Variants in DEAF1 observed in about 807,000 individuals in gnomAD.
DEAF1 encodes deformed epidermal autoregulatory factor 1 homolog.
A neutral mutation model predicts 58.9 loss-of-function variants in DEAF1; 53 were observed. The observed-to-expected ratio is 0.90, with a 90% CI of 0.72 to 1.13. The LOEUF (loss-of-function observed/expected upper bound fraction) is 1.13, where lower values mean the gene tolerates loss of function less well. Ranked by LOEUF, DEAF1 falls within the 50% of genes most tolerant of loss-of-function variation. DEAF1 has a pLI of 0.00. For missense variants in DEAF1, 685 were observed against 791.4 expected, an observed-to-expected ratio of 0.87 and a Z score of 1.61; for synonymous variants, 385 against 340.4, an observed-to-expected ratio of 1.13 and a Z score of -1.44.
At chr11:671,102 G>A (rs1329454882) in intron 10 of DEAF1, among the ~76,000 whole-genome samples, 9 of 148,394 alleles carry the variant, frequency 6.1e-5, no homozygotes, top group Non-Finnish European at 1.2e-4. Context: ...CTAATTTTTT[G>A]TATTTTTAGT....
intron 10 of DEAF1, among the ~76,000 whole-genome samples, chr11:669,504 C>T (rs1859708780): frequency 1.3e-5 from 2 of 151,470 alleles, no homozygotes; most frequent in South Asian, 2.1e-4. Flanking sequence ...GGCGTGGTGG[C>T]GCATGCCTGT....
intron 10 of DEAF1, 59 bp from the exon 11 acceptor site, chr11:654,110 C>T: frequency 6.9e-7 from 1 of 1,449,206 alleles, no homozygotes; most frequent in Non-Finnish European, 9.6e-7. Context: ...CCCTGAGACA[C>T]CGGGGACAGA....
chr11:704,751 A>G, intron 1 of DEAF1: 2 of 930,468 alleles, frequency 2.1e-6, no homozygotes, highest in Non-Finnish European at 3.0e-6. Flanking sequence ...GGGGCCCGAG[A>G]GGCCAGCCTG....
At chr11:650,048 AAAAC>A (rs1390661810) in intron 11 of DEAF1, among the ~76,000 whole-genome samples, 5 of 150,080 alleles carry the variant, frequency 3.3e-5, no homozygotes, top group South Asian at 2.1e-4. Flanking sequence ...AACAAAAACA[AAAAC>A]AAAACAAAAA....
At chr11:687,832 A>G (rs948758709) in intron 4 of DEAF1, 79 bp downstream of exon 4, 26 of 1,590,490 alleles carry the variant, frequency 1.6e-5, no homozygotes, top group Non-Finnish European at 2.2e-5. Flanking sequence ...CATGATTTTC[A>G]TCTTTCTCAG....
At chr11:678,984 T>C (rs1351350155) in intron 8 of DEAF1, among the ~76,000 whole-genome samples, 162 bp from the exon 9 acceptor site, 1 of 152,142 alleles carries the variant, frequency 6.6e-6, no homozygotes, top group Non-Finnish European at 1.5e-5. Context: ...GTTGACATAA[T>C]AGGATTGGGG....
At chr11:700,630 A>T in intron 1 of DEAF1, 1 of 1,613,772 alleles carries the variant, frequency 6.2e-7, no homozygotes, top group South Asian at 1.1e-5. Flanking sequence ...GTGTTCAGCT[A>T]TCCTCACCGC....
chr11:653,083 CAAAAAAAAA>C (rs71022946), intron 11 of DEAF1, among the ~76,000 whole-genome samples: 13 of 62,270 alleles, frequency 2.1e-4, no homozygotes, highest in South Asian at 1.3e-3. Context: ...GACTCTGTCT[CAAAAAAAAA>C]AAAAAAAAAA....
chr11:694,616 G>C (rs931824439), intron 1 of DEAF1, 143 bp downstream of exon 1: 6 of 764,404 alleles, frequency 7.8e-6, no homozygotes, highest in Non-Finnish European at 1.1e-5. Context: ...AGGTGTGCAG[G>C]GCGGGTGGAG....
rs776880487 is a variant in DEAF1, at chr11:644,891, G to T, written c.1594-237C>A. Among the ~76,000 whole-genome samples the T allele has an allele frequency of 6.6e-6, 1 of 152,150 alleles. No homozygotes were observed. Among genetic ancestry groups the T allele is most frequent in the South Asian group, 2.1e-4 (1 of 4,824 alleles). On this transcript the variant is annotated intron_variant, in intron 11 of 11. Coordinates refer to ENST00000382409, the MANE Select transcript of DEAF1 (RefSeq NM_021008.4). The surrounding 1 kb of genome is among the most constrained non-coding windows in gnomAD (Gnocchi z 4.3). ...AAAAGGCAAACAACAGGCAGGGCACGGTGGCTCACGCCTGTAATCCCAACA... is the reference window on the plus strand; with the variant it reads ...AAAAGGCAAACAACAGGCAGGGCACTGTGGCTCACGCCTGTAATCCCAACA...
intron 11 of DEAF1, among the ~76,000 whole-genome samples, chr11:650,268 G>A (rs1858702981): frequency 6.6e-6 from 1 of 150,926 alleles, no homozygotes; most frequent in African/African-American, 2.4e-5. Context: ...CAGCTACTTG[G>A]GAGGCTGAGC....
intron 11 of DEAF1, among the ~76,000 whole-genome samples, chr11:645,909 G>A (rs1333330095): frequency 2.0e-5 from 3 of 152,170 alleles, no homozygotes; most frequent in Non-Finnish European, 2.9e-5. Flanking sequence ...GCTTCCAAAT[G>A]GTGACAGAGT....
rs775932968 is a variant in DEAF1 at position 674,830 on chromosome 11, C to T, written c.1256-47G>A. ...ACAAACCAAGAAATTAATACATCTC[C>T]TAGCTTCAAAATGGCCTCCGTTAAA... On this transcript the variant is annotated intron_variant, in intron 9 of 11. Transcript: ENST00000382409. 1.2e-5 allele frequency: 20 copies of T among 1,601,586 alleles called. No homozygotes were observed. The Admixed American group carries it at 1.5e-4, about 12-fold the overall frequency.
intron 10 of DEAF1, among the ~76,000 whole-genome samples, chr11:657,456 C>T (rs559414462): frequency 6.6e-6 from 1 of 152,308 alleles, no homozygotes; most frequent in South Asian, 2.1e-4. Context: ...GAGTTTAAAA[C>T]ACATATAAAA....
Position 694,867 on chromosome 11 carries a change from G to A in DEAF1, c.181C>T (p.Pro61Ser), listed in dbSNP as rs745462515. The A allele has an allele frequency of 6.7e-7, 1 of 1,500,948 alleles. No homozygotes were observed. Among genetic ancestry groups the A allele is most frequent in the Non-Finnish European group, 8.8e-7 (1 of 1,130,154 alleles). The allele number at this position is 1,500,948 out of a possible 1,614,324, so 93.0% of individuals were successfully genotyped here. Residue 61 changes from proline to serine, a missense_variant, in exon 1 of 12, where the codon CCG becomes TCG. Physicochemically the swap from Pro to Ser is moderately conservative, Grantham distance 74 (BLOSUM62 -1). This residue lies in a region of DEAF1 where 210 missense variants were observed against 177.3 expected (regional missense o/e 1.18). Coordinates refer to ENST00000382409, the MANE Select transcript of DEAF1 (RefSeq NM_021008.4). Reference protein sequence around the residue: ...DADSEAERETPRVTAVAVMAA... With the variant: ...DADSEAERETSRVTAVAVMAA... ...ATCACCGCCACTGCCGTGACCCGCG[G>A]CGTCTCCCGCTCCGCCTCCGAGTCT...
At chr11:697,021 G>C (rs866304388), upstream of DEAF1, among the ~76,000 whole-genome samples, 188 of 151,622 alleles carry the variant, frequency 1.2e-3, 1 homozygote, top group African/African-American at 4.4e-3. Context: ...GTGGTGGGGG[G>C]GGTGGGGTGC....
Position 695,066 on chromosome 11 carries a change from T to G in DEAF1, c.-19A>C. 2.1e-6 allele frequency: 3 copies of G among 1,436,288 alleles called. No homozygotes were observed. The highest frequency in any genetic ancestry group is 2.7e-6 in the Non-Finnish European group (3 of 1,095,436). 89.0% of individuals were successfully genotyped at this position (1,436,288 alleles called of 1,614,324 possible). On this transcript the variant is annotated 5_prime_UTR_variant, in exon 1 of 12. Transcript: ENST00000382409. Reference sequence around the variant, plus strand: ...CCTCCATCCGGACTCCGCCGAGCCTTCCCGAAGGCGCCGTCCGGGACCGCC... The same window carrying G: ...CCTCCATCCGGACTCCGCCGAGCCTGCCCGAAGGCGCCGTCCGGGACCGCC...
Position 691,552 on chromosome 11 carries a change from A to T in DEAF1, c.336T>A (p.Asn112Lys), listed in dbSNP as rs147580202. 3.6e-5 allele frequency: 58 copies of T among 1,613,664 alleles called. 1 individual carries two copies. The South Asian group carries it at 6.4e-4, about 18-fold the overall frequency. ...CGTTCGCCACAGACGTGGTGAAGAC[A>T]TTGTCTGCAGCAGCCCCCACGTTGG... ...TVANVGAAADNVFTTSVANAA... is the reference protein window; with the variant it reads ...TVANVGAAADKVFTTSVANAA... Residue 112 changes from asparagine to lysine, a missense_variant, in exon 2 of 12, where the codon AAT (asparagine) becomes AAA (lysine). Coordinates refer to ENST00000382409, the MANE Select transcript of DEAF1 (RefSeq NM_021008.4).
At chr11:703,206 C>T in intron 1 of DEAF1, 3 of 1,524,302 alleles carry the variant, frequency 2.0e-6, no homozygotes, top group Non-Finnish European at 2.7e-6. Flanking sequence ...CTGACCAGTC[C>T]CCCAGCTGTC....
Sources: gnomAD v4.1 joint callset for allele counts (sites outside exome capture counted in the v4.1 genomes callset) on GRCh38, gnomAD v4.1.1 for gene constraint, gnomAD v4.1.1 regional missense constraint, Gnocchi (gnomAD v3.1) non-coding constraint, MANE v1.5 for transcripts, NCBI Gene and HGNC (gene_info 2026-07-23, HGNC 2026-07-21) for gene names.